The following HS3ST5 variants were observed in gnomAD, a reference collection of about 807,000 sequenced individuals.
HS3ST5 encodes the protein heparan sulfate-glucosamine 3-sulfotransferase 5, also known as heparan sulfate glucosamine 3-O-sulfotransferase 5.
Under a neutral mutation model 25.4 loss-of-function variants are expected in HS3ST5, and 10 were observed. The observed-to-expected ratio is 0.39, with a 90% confidence interval of 0.24 to 0.67. The LOEUF is 0.67. Ranked by LOEUF, HS3ST5 falls within the 30% of genes least tolerant of loss-of-function variation. The probability of loss-of-function intolerance (pLI) is 0.44; values close to 1 mark genes in which losing one functional copy is unlikely to be tolerated. For missense variants in HS3ST5, 324 were observed against 420.7 expected (o/e 0.77, Z 2.01); for synonymous variants, 170 against 162.4 (o/e 1.05, Z -0.36).
At chr6:114,289,657 A>G (rs184928478) in intron 1 of HS3ST5, among the ~76,000 whole-genome samples, 109 of 152,250 alleles carry the variant, frequency 7.2e-4, no homozygotes, top group African/African-American at 2.4e-3. Flanking sequence ...AAGGACATTA[A>G]TACTTGTTAT....
intron 3 of HS3ST5, among the ~76,000 whole-genome samples, chr6:114,120,216 C>G (rs1030177727): frequency 2.6e-5 from 4 of 151,944 alleles, no homozygotes; most frequent in Non-Finnish European, 5.9e-5. Flanking sequence ...AGACAAGCCC[C>G]CAGTAGCATT....
intron 3 of HS3ST5, chr6:114,084,113 T>G: frequency 3.3e-6 from 2 of 610,170 alleles, no homozygotes; most frequent in Non-Finnish European, 5.8e-6. Flanking sequence ...GAAACTGATG[T>G]TTATTTCCCA....
At chr6:114,265,184 G>C (rs1242179801) in intron 1 of HS3ST5, among the ~76,000 whole-genome samples, 1 of 152,062 alleles carries the variant, frequency 6.6e-6, no homozygotes, top group African/African-American at 2.4e-5. Context: ...CTCCCGGCCA[G>C]GAAGAATTGT....
At chr6:114,282,910 A>G (rs1774184286) in intron 1 of HS3ST5, among the ~76,000 whole-genome samples, 1 of 151,980 alleles carries the variant, frequency 6.6e-6, no homozygotes, top group Non-Finnish European at 1.5e-5. Context: ...TTTTTTCCCT[A>G]AACAGTTTTT....
At chr6:114,239,852 T>C (rs751174534) in intron 1 of HS3ST5, among the ~76,000 whole-genome samples, 21 of 152,174 alleles carry the variant, frequency 1.4e-4, no homozygotes, top group Admixed American at 7.2e-4. Flanking sequence ...ATTAGGAACA[T>C]TCATGCATTT....
Position 114,065,972 on chromosome 6 carries a change from C to T in HS3ST5, c.-32-3095G>A, listed in dbSNP as rs142313879. On this transcript the variant is annotated intron_variant, in intron 3 of 4. Coordinates refer to ENST00000312719, the MANE Select transcript of HS3ST5 (RefSeq NM_153612.4). ...CTGTCTGTTTTTAGCTCCAGTCCAC[C>T]CATTCTTTAAGGTCTGGGCTATATC... Among the ~76,000 whole-genome samples the T allele has an allele frequency of 7.8e-3, 1,185 of 152,266 alleles. 10 individuals are homozygous for T. Among genetic ancestry groups the T allele is most frequent in the Non-Finnish European group, 0.014 (937 of 68,030 alleles).
chr6:114,093,850 A>G (rs1775279746), intron 3 of HS3ST5, among the ~76,000 whole-genome samples: 1 of 152,226 alleles, frequency 6.6e-6, no homozygotes, highest in Non-Finnish European at 1.5e-5. Context: ...AGGCAGGTAC[A>G]TTAGATAATA....
chr6:114,087,082 T>C (rs1443379271), intron 3 of HS3ST5, among the ~76,000 whole-genome samples: 1 of 152,128 alleles, frequency 6.6e-6, no homozygotes, highest in Non-Finnish European at 1.5e-5. Context: ...AGTGCCCTCT[T>C]TCCTTGATGA....
chr6:114,211,055 C>G (rs1781491376), intron 2 of HS3ST5, among the ~76,000 whole-genome samples: 2 of 152,176 alleles, frequency 1.3e-5, no homozygotes, highest in Non-Finnish European at 1.5e-5. Flanking sequence ...ACATAATGTA[C>G]TATTTTAGGC....
At chr6:114,078,336 A>G (rs113392236) in intron 3 of HS3ST5, among the ~76,000 whole-genome samples, 2,033 of 152,036 alleles carry the variant, frequency 0.013, 46 homozygotes, top group African/African-American at 0.047. Context: ...CCTCATGAGT[A>G]GCTGGAACTA....
chr6:114,274,883 C>T (rs1173886626), intron 1 of HS3ST5, among the ~76,000 whole-genome samples: 1 of 151,944 alleles, frequency 6.6e-6, no homozygotes, highest in Admixed American at 6.6e-5. Context: ...TTAGCACCTA[C>T]TAGTTCCCTG....
intron 1 of HS3ST5, among the ~76,000 whole-genome samples, chr6:114,290,363 A>C (rs9488366): frequency 0.047 from 7,214 of 152,186 alleles, 562 homozygotes; most frequent in African/African-American, 0.16. Flanking sequence ...CAGAATAATC[A>C]ATAAACCATT....
chr6:114,310,799 C>T (rs1562272202), intron 1 of HS3ST5, among the ~76,000 whole-genome samples: 1 of 152,026 alleles, frequency 6.6e-6, no homozygotes, highest in African/African-American at 2.4e-5. Context: ...TTATATTCCC[C>T]GACGATTTTC....
At chr6:114,151,933 T>C (rs1466014739) in intron 3 of HS3ST5, among the ~76,000 whole-genome samples, 2 of 152,144 alleles carry the variant, frequency 1.3e-5, no homozygotes, top group Non-Finnish European at 2.9e-5. Context: ...GTTTATTTTA[T>C]TTTATTTTTT....
chr6:114,085,858 C>A (rs1262493803), intron 3 of HS3ST5, among the ~76,000 whole-genome samples: 2 of 150,886 alleles, frequency 1.3e-5, no homozygotes, highest in East Asian at 3.9e-4. Flanking sequence ...ATATAGGGTA[C>A]CTATTCTACC....
intron 3 of HS3ST5, among the ~76,000 whole-genome samples, chr6:114,166,633 A>G (rs1228995514): frequency 6.6e-6 from 1 of 152,172 alleles, no homozygotes; most frequent in Non-Finnish European, 1.5e-5. Context: ...GGGACCGTAA[A>G]AGGACCAATC....
chr6:114,134,448 G>C (rs1348382003), intron 3 of HS3ST5, among the ~76,000 whole-genome samples: 1 of 152,156 alleles, frequency 6.6e-6, no homozygotes, highest in Non-Finnish European at 1.5e-5. Flanking sequence ...GGAGATACAG[G>C]AGTGGCAGAG....
rs112009369 is a variant in HS3ST5, at chr6:114,112,031, G to A, written c.-32-49154C>T. Among the ~76,000 whole-genome samples, 132 of 152,108 alleles carry A rather than the reference G, an allele frequency of 8.7e-4. 4 individuals are homozygous for A. Among genetic ancestry groups the A allele is most frequent in the African/African-American group, 2.8e-3 (116 of 41,506 alleles). ...TCCTTGGCTTGGAGTCCATGGTTCC[G>A]CTGTATAATTATCCCTCATAAACAC... is the stretch of plus-strand genomic sequence containing the variant. On this transcript the variant is annotated intron_variant, in intron 3 of 4. Transcript: ENST00000312719.
chr6:114,270,319 A>T (rs1773584638), intron 1 of HS3ST5, among the ~76,000 whole-genome samples: 1 of 152,208 alleles, frequency 6.6e-6, no homozygotes, highest in African/African-American at 2.4e-5. Context: ...TCAAAGTATT[A>T]TGATTTCATT....
Sources: allele counts gnomAD v4.1 joint callset (sites outside exome capture counted in the v4.1 genomes callset), GRCh38; gene constraint gnomAD v4.1.1; transcripts MANE v1.5; gene names NCBI Gene and HGNC (gene_info 2026-07-23, HGNC 2026-07-21).